Variants in NTRK3 observed in about 807,000 individuals in gnomAD.
NTRK3 encodes the protein neurotrophic receptor tyrosine kinase 3.
NTRK3 carries 24 observed loss-of-function variants against 91.7 expected under a neutral mutation model. The ratio of observed to expected loss-of-function variants is 0.26; its 90% CI spans 0.19 to 0.37. NTRK3 has a LOEUF of 0.37. Among genes scored for constraint, NTRK3 ranks in the 10% least tolerant of loss-of-function variants. NTRK3 has a pLI of 1.00. For missense variants in NTRK3, 880 were observed against 1,068.9 expected (o/e 0.82, Z 2.46); for synonymous variants, 483 against 404.0 (o/e 1.20, Z -2.34).
intron 3 of NTRK3, among the ~76,000 whole-genome samples, chr15:88,211,282 G>T (rs1222449177): frequency 6.6e-6 from 1 of 152,148 alleles, no homozygotes; most frequent in Non-Finnish European, 1.5e-5. Context: ...TTTGTATCTG[G>T]CTTATTTCAC....
At chr15:88,236,301 A>G (rs1260508781) in intron 3 of NTRK3, among the ~76,000 whole-genome samples, 3 of 152,216 alleles carry the variant, frequency 2.0e-5, no homozygotes, top group African/African-American at 7.2e-5. Flanking sequence ...GAATCTCACA[A>G]ACATTTTTGA....
chr15:88,013,999 T>G (rs573858214), intron 14 of NTRK3, among the ~76,000 whole-genome samples: 1 of 152,176 alleles, frequency 6.6e-6, no homozygotes, highest in Non-Finnish European at 1.5e-5. Flanking sequence ...AGGAAGCCAG[T>G]GCAGCAAAGT....
intron 17 of NTRK3, among the ~76,000 whole-genome samples, chr15:87,917,692 G>A (rs975084199): frequency 2.2e-4 from 33 of 152,276 alleles, no homozygotes; most frequent in Non-Finnish European, 1.2e-4. Context: ...TCTCCAGGTA[G>A]TAAGTGAGTT....
At position 87,940,612 on chromosome 15, in the gene NTRK3, C is replaced by T. The variant is rs2069738649; in HGVS notation, c.1716+11G>A. The T allele has an allele frequency of 6.2e-7, 1 of 1,613,500 alleles. No individual in the cohort carries two copies. The highest frequency in any genetic ancestry group is 1.8e-4 in the Middle Eastern group (1 of 5,496). ...CCCTCCTCCTGGTGCCGGCATGCCT[C>T]TGGGGTTTACCTTCACAGCCACAAG... On this transcript the variant is annotated intron_variant, in intron 15 of 18. Coordinates refer to ENST00000394480, the Ensembl canonical transcript of NTRK3.
At chr15:87,876,926 C>A (rs1278557286) in exon 19 of NTRK3, 1 of 1,613,612 alleles carries the variant, frequency 6.2e-7, no homozygotes, top group South Asian at 1.1e-5. Flanking sequence ...TCATGACCAC[C>A]AGCCACCACT....
chr15:88,188,176 T>C (rs2047099031), intron 3 of NTRK3, among the ~76,000 whole-genome samples: 1 of 152,198 alleles, frequency 6.6e-6, no homozygotes, highest in African/African-American at 2.4e-5. Flanking sequence ...CCTGCAGCTC[T>C]GCTCTCAATC....
intron 5 of NTRK3, among the ~76,000 whole-genome samples, chr15:88,149,372 G>T (rs745870070): frequency 6.6e-6 from 1 of 152,152 alleles, no homozygotes; most frequent in Non-Finnish European, 1.5e-5. Context: ...CAAGTTTACT[G>T]TTCTGCTGTC....
rs59024353 is a variant in NTRK3 at position 88,243,635 on chromosome 15, T to C, written c.248+12271A>G. ...CAAATTTAAGCTAAAAGAGGCTTTTTTGTCAACCAGACCAACCCCTACATT... is the reference window on the plus strand; with the variant it reads ...CAAATTTAAGCTAAAAGAGGCTTTTCTGTCAACCAGACCAACCCCTACATT... On this transcript the variant is annotated intron_variant, in intron 3 of 18. Coordinates refer to ENST00000394480, the Ensembl canonical transcript of NTRK3. The surrounding 1 kb of genome is among the most constrained non-coding windows in gnomAD (Gnocchi z 4.8). Among the ~76,000 whole-genome samples the C allele has an allele frequency of 6.6e-6, 1 of 152,064 alleles. No homozygotes were observed. Among genetic ancestry groups the C allele is most frequent in the African/African-American group, 2.4e-5 (1 of 41,356 alleles).
chr15:87,957,293 T>A (rs1337201728), intron 14 of NTRK3, among the ~76,000 whole-genome samples: 1 of 152,196 alleles, frequency 6.6e-6, no homozygotes, highest in Non-Finnish European at 1.5e-5. Flanking sequence ...ATCATCACCA[T>A]GGCAATTGTC....
chr15:88,190,967 T>A (rs565791360), intron 3 of NTRK3, among the ~76,000 whole-genome samples: 3 of 152,342 alleles, frequency 2.0e-5, no homozygotes, highest in Non-Finnish European at 2.9e-5. Context: ...TGCACATGCA[T>A]ACAGATAGGC....
intron 16 of NTRK3, chr15:87,931,228 G>T: frequency 1.9e-6 from 1 of 518,380 alleles, no homozygotes; most frequent in African/African-American, 1.9e-5. Context: ...CTTGGGGCTG[G>T]AGATACTGCT....
At chr15:88,145,427 C>T (rs1009139436) in intron 6 of NTRK3, among the ~76,000 whole-genome samples, 1 of 152,132 alleles carries the variant, frequency 6.6e-6, no homozygotes, top group African/African-American at 2.4e-5. Flanking sequence ...TGGTGGTACT[C>T]ACACACTGAC....
intron 5 of NTRK3, among the ~76,000 whole-genome samples, chr15:88,155,792 A>G (rs755988909): frequency 7.3e-5 from 11 of 150,302 alleles, no homozygotes; most frequent in Admixed American, 6.6e-4. Context: ...CATCAATTCA[A>G]CTTGTAATCT....
intron 14 of NTRK3, among the ~76,000 whole-genome samples, chr15:87,999,942 A>G (rs1433943633): frequency 6.6e-6 from 1 of 152,214 alleles, no homozygotes; most frequent in Non-Finnish European, 1.5e-5. Context: ...CTCCTGACCC[A>G]CAGACTTAGG....
chr15:88,021,715 G>C lies in NTRK3; in HGVS notation c.1585+11142C>G, dbSNP rs541955244. The stretch of plus-strand genomic sequence containing the variant: ...TGGCTTCTTGGCTAAGATGTAGGTA[G>C]AGCTTTGGTTTTTAGTTATTGACCA... On this transcript the variant is annotated intron_variant, in intron 14 of 18. Coordinates refer to ENST00000394480, the Ensembl canonical transcript of NTRK3. Among the ~76,000 whole-genome samples, 8 of 152,300 alleles carry C rather than the reference G, an allele frequency of 5.3e-5. No homozygotes were observed. The East Asian group carries it at 1.5e-3, about 29-fold the overall frequency.
chr15:88,209,438 A>G (rs1476873839), intron 3 of NTRK3, among the ~76,000 whole-genome samples: 3 of 152,260 alleles, frequency 2.0e-5, no homozygotes, highest in African/African-American at 7.2e-5. Context: ...ATGCCCTATC[A>G]GTCAGAGACC....
chr15:88,125,122 GGGTTTT>G (rs2053147704), intron 13 of NTRK3, among the ~76,000 whole-genome samples: 1 of 152,176 alleles, frequency 6.6e-6, no homozygotes, highest in African/African-American at 2.4e-5. Context: ...TGGGTTTACA[GGGTTTT>G]CTACCCTTCT....
chr15:88,044,579 A>G (rs954429955), intron 13 of NTRK3, among the ~76,000 whole-genome samples: 1 of 23,074 alleles, frequency 4.3e-5, no homozygotes, highest in Non-Finnish European at 9.0e-5. Flanking sequence ...CCGCCCCCCC[A>G]CCCCACCACC....
At chr15:88,248,763 G>C (rs1212356717) in intron 3 of NTRK3, among the ~76,000 whole-genome samples, 2 of 152,164 alleles carry the variant, frequency 1.3e-5, no homozygotes, top group Non-Finnish European at 2.9e-5. Flanking sequence ...TGAGGTATTA[G>C]CCTTAGAGTG....
Sources: gnomAD v4.1 joint callset for allele counts (sites outside exome capture counted in the v4.1 genomes callset) on GRCh38, gnomAD v4.1.1 for gene constraint, Gnocchi (gnomAD v3.1) non-coding constraint, MANE v1.5 for transcripts, NCBI Gene and HGNC (gene_info 2026-07-23, HGNC 2026-07-21) for gene names.